Variants in TCF7L1 observed in about 807,000 individuals in gnomAD.
TCF7L1 encodes the protein transcription factor 7 like 1.
TCF7L1 carries 18 observed loss-of-function variants against 63.7 expected under a neutral mutation model. The observed-to-expected ratio is 0.28, with a 90% CI of 0.20 to 0.42. The LOEUF (loss-of-function observed/expected upper bound fraction) is 0.42. Ranked by LOEUF, TCF7L1 falls within the 10% of genes least tolerant of loss-of-function variation. The pLI, the probability that TCF7L1 is intolerant of heterozygous loss-of-function variation, is 1.00. For synonymous variants in TCF7L1, 355 were observed against 340.9 expected, an observed-to-expected ratio of 1.04 and a Z score of -0.46; for missense variants, 654 against 779.3, an observed-to-expected ratio of 0.84 and a Z score of 1.91.
intron 3 of TCF7L1, among the ~76,000 whole-genome samples, chr2:85,276,082 T>C (rs1054489729): frequency 6.6e-6 from 1 of 152,222 alleles, no homozygotes; most frequent in Admixed American, 6.5e-5. Context: ...TTTATACTTT[T>C]GCCCCTGGAA....
At chr2:85,215,746 C>T (rs970628858) in intron 3 of TCF7L1, among the ~76,000 whole-genome samples, 1 of 86,492 alleles carries the variant, frequency 1.2e-5, no homozygotes. Context: ...CTGGCAGAGC[C>T]CAAGGCTGCT....
intron 3 of TCF7L1, among the ~76,000 whole-genome samples, chr2:85,247,502 A>G (rs1380400974): frequency 1.3e-5 from 2 of 152,210 alleles, no homozygotes; most frequent in Non-Finnish European, 2.9e-5. Context: ...CTTTGCATCA[A>G]ATCAATTCAG....
chr2:85,306,260 G>A lies in TCF7L1; in HGVS notation c.1044G>A (p.Lys348=), dbSNP rs1323550767. 6.2e-7 allele frequency: 1 copy of A among 1,614,166 alleles called. No homozygotes were observed. The highest frequency in any genetic ancestry group is 8.5e-7 in the Non-Finnish European group (1 of 1,180,034). ...KEEEKKPHVK[K]PLNAFMLYMK... The stretch of plus-strand genomic sequence containing the variant: ...AGGAAAAGAAGCCCCACGTGAAGAA[G>A]CCTCTGAATGCCTTCATGTTGTATA... The change falls in exon 9 of 12, where the codon AAG becomes AAA. Residue 348 remains lysine, a synonymous_variant. Coordinates refer to ENST00000282111, the MANE Select transcript of TCF7L1 (RefSeq NM_031283.3). This position sits in a 1 kb window ranked among gnomAD's most constrained non-coding sequence, Gnocchi z 4.3.
chr2:85,170,507 A>G (rs1301572665), intron 3 of TCF7L1, among the ~76,000 whole-genome samples: 4 of 152,174 alleles, frequency 2.6e-5, no homozygotes, highest in East Asian at 1.9e-4. Flanking sequence ...AGAGCCTCCA[A>G]TTATAATCAG....
intron 3 of TCF7L1, among the ~76,000 whole-genome samples, chr2:85,226,712 AT>A (rs1189666983): frequency 1.3e-5 from 2 of 151,892 alleles, no homozygotes; most frequent in African/African-American, 4.8e-5. Flanking sequence ...CTGTCCTGTG[AT>A]CCCAGAGCCA....
At chr2:85,180,634 G>C (rs1345333437) in intron 3 of TCF7L1, among the ~76,000 whole-genome samples, 1 of 152,124 alleles carries the variant, frequency 6.6e-6, no homozygotes, top group Non-Finnish European at 1.5e-5. Context: ...ACGTTCTTCA[G>C]AGGCTAGTGA....
intron 3 of TCF7L1, among the ~76,000 whole-genome samples, chr2:85,183,765 A>G (rs1183087074): frequency 1.3e-5 from 2 of 152,182 alleles, no homozygotes; most frequent in Non-Finnish European, 2.9e-5. Flanking sequence ...TGCAGACTGC[A>G]AGTGTATTAG....
At chr2:85,180,076 C>A (rs1678767195) in intron 3 of TCF7L1, among the ~76,000 whole-genome samples, 1 of 151,758 alleles carries the variant, frequency 6.6e-6, no homozygotes, top group Admixed American at 6.6e-5. Context: ...GGAACAGCTG[C>A]AAGGACTGTT....
chr2:85,205,536 TG>T (rs139928445), intron 3 of TCF7L1, among the ~76,000 whole-genome samples: 67,490 of 146,244 alleles, frequency 0.46, 15,242 homozygotes, highest in African/African-American at 0.54. Flanking sequence ...CAGCCCACAT[TG>T]TTTTTTTTTT....
At chr2:85,140,968 G>C (rs750516908) in intron 3 of TCF7L1, among the ~76,000 whole-genome samples, 1 of 151,926 alleles carries the variant, frequency 6.6e-6, no homozygotes, top group Non-Finnish European at 1.5e-5. Flanking sequence ...AGAGAGAGAG[G>C]GGACAAGAAG....
chr2:85,218,320 G>A lies in TCF7L1; in HGVS notation c.442-65175G>A, dbSNP rs575538611. ...ACCCAGGCCTGGAGTGCAGTGGCAC[G>A]ATCTTGGCTCACTGCAATTCCGCCT... is the stretch of plus-strand genomic sequence containing the variant. On this transcript the variant is annotated intron_variant, in intron 3 of 11. Coordinates refer to ENST00000282111, the MANE Select transcript of TCF7L1 (RefSeq NM_031283.3). Among the ~76,000 whole-genome samples, 4 of 151,996 alleles carry A rather than the reference G, an allele frequency of 2.6e-5. No homozygotes were observed. The South Asian group carries it at 6.2e-4, about 24-fold the overall frequency.
At chr2:85,250,120 T>C (rs1040784282) in intron 3 of TCF7L1, among the ~76,000 whole-genome samples, 6 of 152,146 alleles carry the variant, frequency 3.9e-5, no homozygotes, top group Non-Finnish European at 8.8e-5. Flanking sequence ...TACTGGTAAA[T>C]ATTTAACAGT....
chr2:85,302,703 A>T, intron 5 of TCF7L1, 87 bp downstream of exon 5: 1 of 1,492,044 alleles, frequency 6.7e-7, no homozygotes, highest in South Asian at 1.3e-5. Context: ...AATCAGGCTG[A>T]CCTGGGTTCA....
intron 3 of TCF7L1, among the ~76,000 whole-genome samples, chr2:85,238,332 G>A (rs547237140): frequency 1.6e-4 from 24 of 152,146 alleles, no homozygotes; most frequent in Non-Finnish European, 3.4e-4. Flanking sequence ...CTGGGGCAGG[G>A]AAGGCCGTTC....
intron 3 of TCF7L1, among the ~76,000 whole-genome samples, chr2:85,246,276 G>A (rs1680461613): frequency 6.6e-6 from 1 of 152,184 alleles, no homozygotes; most frequent in African/African-American, 2.4e-5. Flanking sequence ...AACTCAATTA[G>A]ATCAAAATGG....
At chr2:85,235,178 C>A (rs1680164761) in intron 3 of TCF7L1, among the ~76,000 whole-genome samples, 1 of 152,138 alleles carries the variant, frequency 6.6e-6, no homozygotes, top group South Asian at 2.1e-4. Context: ...CTGTTAACCA[C>A]TGGTACCTCT....
intron 3 of TCF7L1, among the ~76,000 whole-genome samples, chr2:85,255,471 T>C (rs1680693400): frequency 6.6e-6 from 1 of 152,166 alleles, no homozygotes. Flanking sequence ...TACAAGCTGC[T>C]TCAGTCAGGG....
chr2:85,148,497 G>A (rs964114494), intron 3 of TCF7L1, among the ~76,000 whole-genome samples: 1 of 152,194 alleles, frequency 6.6e-6, no homozygotes, highest in African/African-American at 2.4e-5. Context: ...CCCTCAGGGA[G>A]AATGGGGATA....
chr2:85,275,794 C>A (rs1681257140), intron 3 of TCF7L1, among the ~76,000 whole-genome samples: 1 of 151,912 alleles, frequency 6.6e-6, no homozygotes, highest in Non-Finnish European at 1.5e-5. Flanking sequence ...GTGGCACATG[C>A]CTGTGGTCCC....
Sources: allele counts gnomAD v4.1 joint callset (sites outside exome capture counted in the v4.1 genomes callset), GRCh38; gene constraint gnomAD v4.1.1; non-coding constraint Gnocchi (gnomAD v3.1); transcripts MANE v1.5; gene names NCBI Gene and HGNC (gene_info 2026-07-23, HGNC 2026-07-21).